POLN: variants seen among roughly 807,000 people sequenced by gnomAD.
POLN encodes the protein DNA polymerase N.
A neutral mutation model predicts 113.5 loss-of-function variants in POLN; 108 were observed. The ratio of observed to expected loss-of-function variants is 0.95; its 90% CI spans 0.81 to 1.12. POLN has a LOEUF of 1.12. Among genes scored for constraint, POLN ranks in the 50% most tolerant of loss-of-function variants. The pLI is 0.00. For missense variants in POLN, 1,097 were observed against 1,077.1 expected (o/e 1.02, Z -0.26); for synonymous variants, 386 against 391.5 (o/e 0.99, Z 0.17).
At chr4:2,148,943 A>T (rs988623180) in intron 16 of POLN, among the ~76,000 whole-genome samples, 2 of 152,148 alleles carry the variant, frequency 1.3e-5, no homozygotes, top group Non-Finnish European at 2.9e-5. Context: ...TTTAACTGAG[A>T]ATTTTATACC....
intron 6 of POLN, among the ~76,000 whole-genome samples, chr4:2,195,382 G>T (rs34689253): frequency 6.6e-6 from 1 of 151,700 alleles, no homozygotes; most frequent in Non-Finnish European, 1.5e-5. Context: ...GAACACAAAT[G>T]AAAGTCATGT....
intron 13 of POLN, among the ~76,000 whole-genome samples, chr4:2,164,713 G>T (rs568242631): frequency 2.8e-4 from 40 of 144,860 alleles, no homozygotes; most frequent in African/African-American, 9.8e-4. Flanking sequence ...TGAGGCAGGA[G>T]AATTGCTTGA....
chr4:2,138,040 T>G (rs1731904001), intron 16 of POLN, among the ~76,000 whole-genome samples: 1 of 152,120 alleles, frequency 6.6e-6, no homozygotes, highest in Non-Finnish European at 1.5e-5. Context: ...GGTTTCATCA[T>G]GTTGGCCAGG....
In POLN at chr4:2,171,122, T is replaced by A. The variant is rs905549188; in HGVS notation, c.1434A>T (p.Ile478=). ...AHFVAGERFL[I]TSNNQLREIL... ...CCTCTCGAAGCTGGTTATTGCTCGT[T>A]ATAAGAAACCGTTCTCCTGCAACAA... is the stretch of plus-strand genomic sequence containing the variant. The change falls in exon 12 of 26, where the codon ATA becomes ATT. Residue 478 remains isoleucine (I), a synonymous_variant. Coordinates refer to ENST00000511885, the MANE Select transcript of POLN (RefSeq NM_181808.4). 6.2e-7 allele frequency: 1 copy of A among 1,613,692 alleles called. No homozygotes were observed. Among genetic ancestry groups the A allele is most frequent in the Non-Finnish European group, 8.5e-7 (1 of 1,179,916 alleles).
At chr4:2,160,655 C>T (rs535255201) in intron 13 of POLN, among the ~76,000 whole-genome samples, 2 of 152,242 alleles carry the variant, frequency 1.3e-5, no homozygotes, top group South Asian at 2.1e-4. Flanking sequence ...GTGATCCTCC[C>T]GCCTTGGCCT....
intron 19 of POLN, among the ~76,000 whole-genome samples, chr4:2,122,814 C>T (rs1298758506): frequency 6.6e-6 from 1 of 152,116 alleles, no homozygotes; most frequent in Non-Finnish European, 1.5e-5. Context: ...CATGTCTACT[C>T]CTAGGTATAC....
chr4:2,135,819 C>T (rs181033079), intron 16 of POLN, among the ~76,000 whole-genome samples: 4 of 152,292 alleles, frequency 2.6e-5, no homozygotes, highest in African/African-American at 7.2e-5. Flanking sequence ...AAGCGGCTGC[C>T]GTCACAGACC....
intron 2 of POLN, chr4:2,231,749 A>G: frequency 2.2e-6 from 1 of 462,842 alleles, no homozygotes; most frequent in Admixed American, 4.4e-5. Flanking sequence ...AAGTCATAAA[A>G]AGCACTGGTA....
chr4:2,212,688 G>A (rs916896929), intron 4 of POLN, among the ~76,000 whole-genome samples: 1 of 151,898 alleles, frequency 6.6e-6, no homozygotes, highest in Non-Finnish European at 1.5e-5. Flanking sequence ...ATCCAGCCTA[G>A]GTCGATCACC....
chr4:2,082,292 C>T (rs1007433180), intron 21 of POLN, among the ~76,000 whole-genome samples: 2 of 152,190 alleles, frequency 1.3e-5, no homozygotes, highest in African/African-American at 4.8e-5. Context: ...TCCTGACTTC[C>T]AGCTGCACCT....
intron 2 of POLN, among the ~76,000 whole-genome samples, chr4:2,237,131 G>A (rs1372099650): frequency 6.6e-6 from 1 of 151,296 alleles, no homozygotes; most frequent in African/African-American, 2.5e-5. Context: ...GAAAACACAT[G>A]TCTCATAGAA....
chr4:2,228,897 G>C (rs1734477175), intron 3 of POLN: 1 of 437,896 alleles, frequency 2.3e-6, no homozygotes, highest in South Asian at 4.6e-5. Context: ...GAATAAGGAA[G>C]AGAGTGTTAC....
At chr4:2,179,178 T>G in intron 8 of POLN, 130 bp downstream of exon 8, 1 of 929,914 alleles carries the variant, frequency 1.1e-6, no homozygotes, top group Non-Finnish European at 1.6e-6. Flanking sequence ...TCACAACTAT[T>G]TGTGCTGAAT....
chr4:2,118,004 T>C (rs1305549324), intron 19 of POLN, among the ~76,000 whole-genome samples: 1 of 152,216 alleles, frequency 6.6e-6, no homozygotes, highest in Non-Finnish European at 1.5e-5. Flanking sequence ...GTACAACTCT[T>C]ACAAATGTGA....
At chr4:2,138,900 A>C (rs1731925726) in intron 16 of POLN, among the ~76,000 whole-genome samples, 1 of 151,918 alleles carries the variant, frequency 6.6e-6, no homozygotes, top group Non-Finnish European at 1.5e-5. Context: ...TCTCAAAAAA[A>C]AAGAAAAGAA....
At chr4:2,194,484 G>A (rs375639382) in intron 6 of POLN, among the ~76,000 whole-genome samples, 22 of 152,106 alleles carry the variant, frequency 1.4e-4, no homozygotes, top group African/African-American at 5.1e-4. Flanking sequence ...AGGGTAAAGC[G>A]CCAATAACAC....
chr4:2,094,183 C>G (rs1730728289), intron 20 of POLN, among the ~76,000 whole-genome samples: 2 of 152,032 alleles, frequency 1.3e-5, no homozygotes, highest in South Asian at 4.2e-4. Flanking sequence ...CCCATCTCTA[C>G]TAAAAATACA....
intron 3 of POLN, among the ~76,000 whole-genome samples, chr4:2,215,582 G>T (rs930352236): frequency 6.6e-6 from 1 of 152,172 alleles, no homozygotes; most frequent in African/African-American, 2.4e-5. Context: ...CCTGGGGAAG[G>T]GGTGGGCCCT....
intron 16 of POLN, chr4:2,156,357 G>A (rs1390865328): frequency 2.3e-6 from 1 of 432,528 alleles, no homozygotes; most frequent in East Asian, 7.1e-5. Flanking sequence ...TGCATCATAA[G>A]TTCAAGGGAA....
Sources: allele counts gnomAD v4.1 joint callset (sites outside exome capture counted in the v4.1 genomes callset), GRCh38; gene constraint gnomAD v4.1.1; transcripts MANE v1.5; gene names NCBI Gene and HGNC (gene_info 2026-07-23, HGNC 2026-07-21).